The following MED25 variants were observed in gnomAD, a reference collection of about 807,000 sequenced individuals.
The protein encoded by MED25 is mediator of RNA polymerase II transcription subunit 25.
A neutral mutation model predicts 89.4 loss-of-function variants in MED25; 62 were observed. The ratio of observed to expected loss-of-function variants is 0.69; its 90% CI spans 0.57 to 0.86. The LOEUF is 0.86. Among genes scored for constraint, MED25 ranks in the 40% least tolerant of loss-of-function variants. The pLI is 0.00. For missense variants in MED25, 905 were observed against 1,005.2 expected, an observed-to-expected ratio of 0.90 and a Z score of 1.35; for synonymous variants, 449 against 427.9, an observed-to-expected ratio of 1.05 and a Z score of -0.61.
rs1024098873 is a variant in MED25 at position 49,819,431 on chromosome 19, G to A, written c.305+135G>A. 7.5e-6 allele frequency: 7 copies of A among 936,486 alleles called. No homozygotes were observed. The Middle Eastern group carries it at 7.6e-4, about 102-fold the overall frequency. The allele number at this position is 936,486 out of a possible 1,614,324, so 58.0% of individuals were successfully genotyped here. The stretch of plus-strand genomic sequence containing the variant: ...CTTGGGGTGGTTGGTGTCCCCGTGA[G>A]GGGCTGTGAATAAGTAATGGCTTGG... On this transcript the variant is annotated intron_variant, in intron 3 of 17. Coordinates refer to ENST00000312865, the MANE Select transcript of MED25 (RefSeq NM_030973.4).
At chr19:49,828,940 T>G (rs2074033611) in intron 4 of MED25, 30 bp from the exon 5 acceptor site, 2 of 1,613,732 alleles carry the variant, frequency 1.2e-6, no homozygotes, top group Non-Finnish European at 1.7e-6. Context: ...CTGTTGCTGC[T>G]GGCTCCATGT....
At chr19:49,820,223 C>T (rs1264444204) in intron 3 of MED25, among the ~76,000 whole-genome samples, 2 of 152,200 alleles carry the variant, frequency 1.3e-5, no homozygotes, top group Non-Finnish European at 2.9e-5. Flanking sequence ...CGTCCAAAGA[C>T]GGCCCAGAAC....
chr19:49,825,927 T>G (rs1005024264), intron 3 of MED25, among the ~76,000 whole-genome samples: 23 of 152,052 alleles, frequency 1.5e-4, no homozygotes, highest in African/African-American at 5.1e-4. Context: ...CAGGGTGGTT[T>G]TGGCTCGAGT....
At chr19:49,827,948 G>A (rs1013019041) in intron 3 of MED25, among the ~76,000 whole-genome samples, 16 of 152,110 alleles carry the variant, frequency 1.1e-4, no homozygotes, top group Admixed American at 1.3e-4. Flanking sequence ...AACAAATGTC[G>A]GCCGGGTGTG....
downstream of MED25, among the ~76,000 whole-genome samples, chr19:49,837,587 A>AC (rs1568626596): frequency 6.6e-6 from 1 of 152,066 alleles, no homozygotes; most frequent in Non-Finnish European, 1.5e-5. Flanking sequence ...ATGAGGCCAG[A>AC]CAGGAGGCCA....
Position 49,818,422 on chromosome 19 carries a change from C to G in MED25, c.81C>G (p.Asn27Lys). The G allele has an allele frequency of 1.9e-6, 3 of 1,614,054 alleles. No individual in the cohort carries two copies. Among genetic ancestry groups the G allele is most frequent in the Non-Finnish European group, 2.5e-6 (3 of 1,180,012 alleles). The change falls in exon 1 of 18, where the codon AAC (asparagine) becomes AAG (lysine). Residue 27 changes from asparagine (N) to lysine (K), a missense_variant. Around this residue, in one of 3 missense-constraint regions of MED25, gnomAD observed 501 missense variants for 526.9 expected, o/e 0.95. Coordinates refer to ENST00000312865, the MANE Select transcript of MED25 (RefSeq NM_030973.4). ...DVVFVIEGTA[N>K]LGPYFEGLRK... ...TGTTTGTGATTGAGGGTACGGCCAA[C>G]CTGGGACCCTACTTCGAGGGGCTCC... is the stretch of plus-strand genomic sequence containing the variant.
In MED25 at chr19:49,836,171, G is replaced by T. The variant is rs974590464; in HGVS notation, c.1966-55G>T. On this transcript the variant is annotated intron_variant, in intron 16 of 17. Coordinates refer to ENST00000312865, the MANE Select transcript of MED25 (RefSeq NM_030973.4). This position sits in a 1 kb window ranked among gnomAD's most constrained non-coding sequence, Gnocchi z 5.1. Reference sequence around the variant, plus strand: ...TCCATCTCTGAGCAGTGTCTGTGTTGAGAGGTGGGGAGTCTCTACCAGGAG... The same window carrying T: ...TCCATCTCTGAGCAGTGTCTGTGTTTAGAGGTGGGGAGTCTCTACCAGGAG... 1 of 1,579,880 alleles carries T rather than the reference G, an allele frequency of 6.3e-7. No homozygotes were observed. Among genetic ancestry groups the T allele is most frequent in the Admixed American group, 1.7e-5 (1 of 59,292 alleles).
rs905166588 is a variant in MED25 at position 49,829,918 on chromosome 19, A to G, written c.658A>G (p.Met220Val). The G allele has an allele frequency of 6.2e-7, 1 of 1,613,274 alleles. No homozygotes were observed. Among genetic ancestry groups the G allele is most frequent in the East Asian group, 2.2e-5 (1 of 44,862 alleles). ...AGATGTGAGCCAGGACCCGAGGCAC[A>G]TGGTGCTGGTTCGGGGACTCGTGCT... is the stretch of plus-strand genomic sequence containing the variant. ...PTDVSQDPRH[M>V]VLVRGLVLPV... Residue 220 changes from methionine (M) to valine (V), a missense_variant, in exon 6 of 18, where the codon ATG becomes GTG. Transcript: ENST00000312865. This position sits in a 1 kb window ranked among gnomAD's most constrained non-coding sequence, Gnocchi z 4.6.
At position 49,834,921 on chromosome 19, in the gene MED25, G is replaced by T; in HGVS notation, c.1483-65G>T. 6.4e-7 allele frequency: 1 copy of T among 1,550,648 alleles called. No homozygotes were observed. The highest frequency in any genetic ancestry group is 8.9e-7 in the Non-Finnish European group (1 of 1,125,594). On this transcript the variant is annotated intron_variant, in intron 13 of 17. Coordinates refer to ENST00000312865, the MANE Select transcript of MED25 (RefSeq NM_030973.4). This position sits in a 1 kb window ranked among gnomAD's most constrained non-coding sequence, Gnocchi z 4.1. ...TGGGGCCTCTAGAGCCTTCTGGAAT[G>T]GGGAGGGGGTCAGGGCTGCCTCTTT...
At chr19:49,839,972 G>A (rs577021906), downstream of MED25, 7 of 152,352 alleles carry the variant, frequency 4.6e-5, no homozygotes, top group East Asian at 7.7e-4. Flanking sequence ...CTAAATACAA[G>A]TCTGTGTGAA....
In MED25 at chr19:49,831,378, C is replaced by T. The variant is rs1184909873; in HGVS notation, c.1147C>T (p.Gln383Ter). 1.2e-6 allele frequency: 2 copies of T among 1,610,936 alleles called. No homozygotes were observed. Among genetic ancestry groups the T allele is most frequent in the Non-Finnish European group, 1.7e-6 (2 of 1,178,872 alleles). Residue 383 changes from glutamine to a stop codon, truncating the protein, a stop_gained, in exon 10 of 18, where the codon CAG (glutamine) becomes TAG (stop). Transcript: ENST00000312865. LOFTEE classifies it high-confidence loss of function. The surrounding 1 kb of genome is among the most constrained non-coding windows in gnomAD (Gnocchi z 5.0). The stretch of plus-strand genomic sequence containing the variant: ...AGGGGTGAGCGGCCCTTCCCCAGCC[C>T]AGCTGGGAGCCCCAGCCCTCGGTGG... ...PGGVSGPSPA[Q>*]LGAPALGGQQ...
In MED25 at chr19:49,830,580, G is replaced by C. The variant is rs750902255; in HGVS notation, c.889G>C (p.Ala297Pro). Residue 297 changes from alanine to proline, a missense_variant, in exon 8 of 18, where the codon GCT (alanine) becomes CCT (proline). Physicochemically the swap from Ala to Pro is conservative, Grantham distance 27 (BLOSUM62 -1). This residue lies in a region of MED25 where 501 missense variants were observed against 526.9 expected (regional missense o/e 0.95). Transcript: ENST00000312865. The surrounding 1 kb of genome is among the most constrained non-coding windows in gnomAD (Gnocchi z 4.6). ...NAVEAAKNQK[A>P]GLGPRFSPIT... ...AGTGGAGGCTGCCAAGAACCAGAAG[G>C]CTGGGCTGGGCCCTCGCTGTGAGTC... 2 of 1,614,062 alleles carry C rather than the reference G, an allele frequency of 1.2e-6. No homozygotes were observed. The highest frequency in any genetic ancestry group is 2.7e-5 in the African/African-American group (2 of 74,926).
At chr19:49,826,335 G>A (rs1373954970) in intron 3 of MED25, among the ~76,000 whole-genome samples, 2 of 152,192 alleles carry the variant, frequency 1.3e-5, no homozygotes, top group African/African-American at 2.4e-5. Context: ...GCGAGACTCC[G>A]TCTCAAAAAC....
rs756809316 is a variant in MED25 at position 49,831,896 on chromosome 19, T to A, written c.1231-40T>A. 5 of 1,572,732 alleles carry A rather than the reference T, an allele frequency of 3.2e-6. No homozygotes were observed. Among genetic ancestry groups the A allele is most frequent in the Non-Finnish European group, 4.4e-6 (5 of 1,142,458 alleles). On this transcript the variant is annotated intron_variant, in intron 10 of 17. Coordinates refer to ENST00000312865, the MANE Select transcript of MED25 (RefSeq NM_030973.4). The surrounding 1 kb of genome is among the most constrained non-coding windows in gnomAD (Gnocchi z 5.0). ...ATGAGGGCTCAAGGGGACTGAGGCT[T>A]ATGGCCCTTTTTACTGACATGCTCT... is the stretch of plus-strand genomic sequence containing the variant.
downstream of MED25, chr19:49,839,369 T>A (rs2074119756): frequency 6.2e-6 from 1 of 160,872 alleles, no homozygotes; most frequent in Non-Finnish European, 1.4e-5. Context: ...GGTCGTTGCA[T>A]CCATCATCAG....
intron 3 of MED25, among the ~76,000 whole-genome samples, chr19:49,821,814 C>CT (rs1400029237): frequency 1.7e-5 from 2 of 115,630 alleles, no homozygotes; most frequent in African/African-American, 7.3e-5. Context: ...GAAATTCTGT[C>CT]TCAAAAAAAA....
chr19:49,827,675 A>G (rs1385339790), intron 3 of MED25, among the ~76,000 whole-genome samples: 2 of 152,212 alleles, frequency 1.3e-5, no homozygotes, highest in Non-Finnish European at 2.9e-5. Flanking sequence ...CTTCTGAGGT[A>G]CTGGGGCTTA....
rs1470843012 is a variant in MED25, at chr19:49,834,628, T to C, written c.1483-358T>C. 2.7e-6 allele frequency: 1 copy of C among 376,078 alleles called. No homozygotes were observed. Among genetic ancestry groups the C allele is most frequent in the Non-Finnish European group, 5.1e-6 (1 of 195,278 alleles). The allele number at this position is 376,078 out of a possible 1,614,324, so 23.3% of individuals were successfully genotyped here. A position where few individuals can be genotyped will look rare whatever the true frequency, so the allele number is the denominator to read the frequency against. Reference sequence around the variant, plus strand: ...AGGCCTGTGGGTACCACGCTGTGCATCTAGGCCGCTCTCCCGGCCGTGACC... The same window carrying C: ...AGGCCTGTGGGTACCACGCTGTGCACCTAGGCCGCTCTCCCGGCCGTGACC... On this transcript the variant is annotated intron_variant, in intron 13 of 17. Transcript: ENST00000312865. The surrounding 1 kb of genome is among the most constrained non-coding windows in gnomAD (Gnocchi z 4.1).
At position 49,835,074 on chromosome 19, in the gene MED25, G is replaced by A; in HGVS notation, c.1571G>A (p.Gly524Asp). The change falls in exon 14 of 18, where the codon GGC becomes GAC. Residue 524 changes from glycine to aspartate, a missense_variant. Transcript: ENST00000312865. This position sits in a 1 kb window ranked among gnomAD's most constrained non-coding sequence, Gnocchi z 6.2. The stretch of plus-strand genomic sequence containing the variant: ...TCGTCCAAGAAGAAGATCTTCATGG[G>A]CCTCATCCCCTACGACCAGAGCGGC... ...LYSSKKKIFM[G>D]LIPYDQSGFV... 1 of 1,614,098 alleles carries A rather than the reference G, an allele frequency of 6.2e-7. No individual in the cohort carries two copies. Among genetic ancestry groups the A allele is most frequent in the Non-Finnish European group, 8.5e-7 (1 of 1,180,018 alleles).
Sources: gnomAD v4.1 joint callset for allele counts (sites outside exome capture counted in the v4.1 genomes callset) on GRCh38, gnomAD v4.1.1 for gene constraint, gnomAD v4.1.1 regional missense constraint, Gnocchi (gnomAD v3.1) non-coding constraint, MANE v1.5 for transcripts, NCBI Gene and HGNC (gene_info 2026-07-23, HGNC 2026-07-21) for gene names.